DNAAF10: variants seen among roughly 807,000 people sequenced by gnomAD.
DNAAF10 encodes the protein WD repeat domain 92.
Under a neutral mutation model 43.7 loss-of-function variants are expected in DNAAF10, and 28 were observed. The ratio of observed to expected loss-of-function variants is 0.64; its 90% CI spans 0.48 to 0.88. The LOEUF is 0.88. Ranked by LOEUF, DNAAF10 falls within the 40% of genes least tolerant of loss-of-function variation. The pLI, the probability that DNAAF10 is intolerant of heterozygous loss-of-function variation, is 0.00. For missense variants in DNAAF10, 403 were observed against 439.1 expected (o/e 0.92, Z 0.73); for synonymous variants, 156 against 157.3 (o/e 0.99, Z 0.06).
intron 5 of DNAAF10, among the ~76,000 whole-genome samples, chr2:68,137,878 ATTTT>A (rs757832176): frequency 8.9e-6 from 1 of 112,120 alleles, no homozygotes. Flanking sequence ...AAAAAAAAAC[ATTTT>A]TTTTTTTTTT....
At chr2:68,151,118 T>C (rs1354808282) in intron 1 of DNAAF10, among the ~76,000 whole-genome samples, 2 of 152,244 alleles carry the variant, frequency 1.3e-5, no homozygotes, top group Non-Finnish European at 2.9e-5. Context: ...AAGTAAAATG[T>C]ATCTACATTG....
rs766925031 is a variant in DNAAF10, at chr2:68,137,316, C to G, written c.751G>C (p.Ala251Pro). 6.2e-7 allele frequency: 1 copy of G among 1,610,474 alleles called. No homozygotes were observed. Among genetic ancestry groups the G allele is most frequent in the East Asian group, 2.2e-5 (1 of 44,742 alleles). Residue 251 changes from alanine to proline, a missense_variant, in exon 6 of 8, where the codon GCC (alanine) becomes CCC (proline). By Grantham distance (27) the Ala-to-Pro change is conservative (BLOSUM62 -1). Coordinates refer to ENST00000295121, the MANE Select transcript of DNAAF10 (RefSeq NM_138458.4). ...MRTQHPTKGF[A>P]SVSEKAHKST... ...ATATTTACCTTTTCTGAAACAGAGG[C>G]AAAACCTTTGGTTGGATGCTGTGTT...
At chr2:68,155,065 C>A (rs1285173168) in intron 1 of DNAAF10, among the ~76,000 whole-genome samples, 1 of 152,106 alleles carries the variant, frequency 6.6e-6, no homozygotes, top group South Asian at 2.1e-4. Context: ...AGCCACTGCA[C>A]CAGGCCTGTT....
intron 1 of DNAAF10, among the ~76,000 whole-genome samples, chr2:68,150,261 G>C (rs971003268): frequency 6.6e-5 from 10 of 152,192 alleles, no homozygotes; most frequent in African/African-American, 1.9e-4. Context: ...CTTTAGACTA[G>C]AGAATCTCAA....
chr2:68,138,223 T>C (rs549800985), intron 5 of DNAAF10, among the ~76,000 whole-genome samples: 4 of 152,064 alleles, frequency 2.6e-5, no homozygotes, highest in Non-Finnish European at 4.4e-5. Context: ...TTTTTTTCCA[T>C]TAGTAAGATC....
At chr2:68,144,264 A>G (rs1013878615) in intron 3 of DNAAF10, among the ~76,000 whole-genome samples, 6 of 152,238 alleles carry the variant, frequency 3.9e-5, no homozygotes, top group African/African-American at 1.4e-4. Context: ...CACCCACATT[A>G]TATCGTCAGC....
intron 7 of DNAAF10, 48 bp from the exon 8 acceptor site, chr2:68,131,493 C>T (rs749585842): frequency 2.5e-6 from 4 of 1,582,610 alleles, no homozygotes; most frequent in South Asian, 2.2e-5. Flanking sequence ...TTAGCTTTCA[C>T]CATTTTATTT....
chr2:68,144,135 G>C (rs1442425121), intron 3 of DNAAF10, among the ~76,000 whole-genome samples: 1 of 152,118 alleles, frequency 6.6e-6, no homozygotes, highest in African/African-American at 2.4e-5. Context: ...TGGTGCCTTT[G>C]GAACTCTCTA....
At chr2:68,156,275 A>C (rs1392233992) in intron 1 of DNAAF10, among the ~76,000 whole-genome samples, 1 of 152,114 alleles carries the variant, frequency 6.6e-6, no homozygotes, top group African/African-American at 2.4e-5. Context: ...AACAGTCCAA[A>C]TTGTATTCAT....
chr2:68,156,459 A>T (rs1046646605), intron 1 of DNAAF10, among the ~76,000 whole-genome samples: 6 of 152,212 alleles, frequency 3.9e-5, no homozygotes, highest in African/African-American at 7.2e-5. Flanking sequence ...AAACAGCTAT[A>T]AAATGCTAGT....
chr2:68,139,105 C>T (rs1392689871), intron 4 of DNAAF10, among the ~76,000 whole-genome samples: 3 of 152,212 alleles, frequency 2.0e-5, no homozygotes, highest in South Asian at 2.1e-4. Context: ...CTGATGTTGA[C>T]GTATGATCCC....
intron 4 of DNAAF10, among the ~76,000 whole-genome samples, 194 bp downstream of exon 4, chr2:68,141,500 A>G (rs1022954621): frequency 6.6e-5 from 10 of 152,278 alleles, no homozygotes; most frequent in African/African-American, 1.9e-4. Flanking sequence ...TCCAGGCCAC[A>G]TGGCCAATAA....
intron 1 of DNAAF10, among the ~76,000 whole-genome samples, chr2:68,155,768 C>A (rs1673584346): frequency 6.6e-6 from 1 of 151,810 alleles, no homozygotes; most frequent in South Asian, 2.1e-4. Context: ...TCAGGAAGGG[C>A]ATCATACATT....
rs1442052312 is a variant in DNAAF10 at position 68,157,278 on chromosome 2, G to T, written c.166C>A (p.Leu56Met). ...IQLYEIQHGD[L>M]KLLREIEKAK... ...GCACCCACCTCCCGAAGCAGCTTCAGGTCCCCGTGCTGGATCTCGTACAGC... is the reference window on the plus strand; with the variant it reads ...GCACCCACCTCCCGAAGCAGCTTCATGTCCCCGTGCTGGATCTCGTACAGC... The change falls in exon 1 of 8, where the codon CTG becomes ATG. Residue 56 changes from leucine (L) to methionine (M), a missense_variant. Leu to Met is a conservative substitution (Grantham distance 15). Coordinates refer to ENST00000295121, the MANE Select transcript of DNAAF10 (RefSeq NM_138458.4). 1.2e-6 allele frequency: 2 copies of T among 1,613,748 alleles called. No homozygotes were observed. Among genetic ancestry groups the T allele is most frequent in the East Asian group, 4.5e-5 (2 of 44,882 alleles).
At position 68,157,252 on chromosome 2, in the gene DNAAF10, G is replaced by A. The variant is rs1364964427; in HGVS notation, c.183+9C>T. The A allele has an allele frequency of 1.2e-6, 2 of 1,609,780 alleles. No homozygotes were observed. The highest frequency in any genetic ancestry group is 1.3e-5 in the African/African-American group (1 of 74,866). ...CAACGGCAGTCCGGATCCTCGACCC[G>A]GCACCCACCTCCCGAAGCAGCTTCA... On this transcript the variant is annotated intron_variant, in intron 1 of 7. Coordinates refer to ENST00000295121, the MANE Select transcript of DNAAF10 (RefSeq NM_138458.4).
At chr2:68,151,465 T>A (rs192491989) in intron 1 of DNAAF10, among the ~76,000 whole-genome samples, 2 of 152,352 alleles carry the variant, frequency 1.3e-5, no homozygotes, top group Non-Finnish European at 1.5e-5. Context: ...TTACTGTCAC[T>A]CACCCTGTTT....
chr2:68,138,806 C>T lies in DNAAF10; in HGVS notation c.569G>A (p.Gly190Glu). ...ERVVCAGYDN[G>E]DIKLFDLRNM... ...TCTGAGATCAAATAGTTTGATATCCCCATTGTCATAGCCAGCACAAACAAC... is the reference window on the plus strand; with the variant it reads ...TCTGAGATCAAATAGTTTGATATCCTCATTGTCATAGCCAGCACAAACAAC... Residue 190 changes from glycine (G) to glutamate (E), a missense_variant, in exon 5 of 8, where the codon GGG becomes GAG. Gly to Glu is a moderately conservative substitution (Grantham distance 98). Transcript: ENST00000295121. The T allele has an allele frequency of 1.2e-6, 2 of 1,614,118 alleles. No individual in the cohort carries two copies. Among genetic ancestry groups the T allele is most frequent in the Non-Finnish European group, 1.7e-6 (2 of 1,180,026 alleles).
chr2:68,144,721 C>A lies in DNAAF10; in HGVS notation c.285-6G>T. The stretch of plus-strand genomic sequence containing the variant: ...TCTCTGGAGCTTCTAAATTCCTAAA[C>A]AACAAACACAGCTTCTTACACCACA... On this transcript the variant is annotated splice_polypyrimidine_tract_variant and splice_region_variant and intron_variant, in intron 2 of 7. Coordinates refer to ENST00000295121, the MANE Select transcript of DNAAF10 (RefSeq NM_138458.4). The A allele has an allele frequency of 6.2e-7, 1 of 1,607,074 alleles. No homozygotes were observed. Among genetic ancestry groups the A allele is most frequent in the African/African-American group, 1.3e-5 (1 of 74,440 alleles).
intron 7 of DNAAF10, 44 bp from the exon 8 acceptor site, chr2:68,131,489 T>C: frequency 2.5e-6 from 4 of 1,591,114 alleles, no homozygotes; most frequent in Non-Finnish European, 3.4e-6. Context: ...AATCTTAGCT[T>C]TCACCATTTT....
Sources: gnomAD v4.1 joint callset for allele counts (sites outside exome capture counted in the v4.1 genomes callset) on GRCh38, gnomAD v4.1.1 for gene constraint, MANE v1.5 for transcripts, NCBI Gene and HGNC (gene_info 2026-07-23, HGNC 2026-07-21) for gene names.